The following SEMA6B variants were observed in gnomAD, a reference collection of about 807,000 sequenced individuals.
The protein encoded by SEMA6B is semaphorin 6B.
Under a neutral mutation model 78.6 loss-of-function variants are expected in SEMA6B, and 47 were observed. The observed-to-expected ratio is 0.60, with a 90% confidence interval of 0.47 to 0.76. The LOEUF (loss-of-function observed/expected upper bound fraction) is 0.76, where lower values mean the gene tolerates loss of function less well. Ranked by LOEUF, SEMA6B falls within the 30% of genes least tolerant of loss-of-function variation. The pLI is 0.00. For missense variants in SEMA6B, 1,213 were observed against 1,269.9 expected (o/e 0.96, Z 0.68); for synonymous variants, 632 against 592.2 (o/e 1.07, Z -0.98).
In SEMA6B at chr19:4,544,104, T is replaced by TGG; in HGVS notation, c.2162_2163dup (p.Thr722ProfsTer109). ...AGGGCGTGGGGGTGCGGGTGCGGAG[T>TGG]GGGCAGGCGCTTCTGCGGCAGCGGC... On this transcript the variant is annotated frameshift_variant, in exon 17 of 17. Transcript: ENST00000586582. LOFTEE classifies it high-confidence loss of function. This position sits in a 1 kb window ranked among gnomAD's most constrained non-coding sequence, Gnocchi z 5.1. The TGG allele has an allele frequency of 7.9e-7, 1 of 1,264,918 alleles. No homozygotes were observed. Among genetic ancestry groups the TGG allele is most frequent in the Non-Finnish European group, 9.9e-7 (1 of 1,006,382 alleles). The allele number at this position is 1,264,918 out of a possible 1,614,324, so 78.4% of individuals were successfully genotyped here. A position where few individuals can be genotyped will look rare whatever the true frequency, so the allele number is the denominator to read the frequency against.
chr19:4,559,438 ACT>A (rs1339234647), intron 1 of SEMA6B, 90 bp downstream of exon 1: 1 of 151,728 alleles, frequency 6.6e-6, no homozygotes, highest in African/African-American at 2.4e-5. Flanking sequence ...GAGTGGAGAC[ACT>A]CTCCCATCCA....
Position 4,548,326 on chromosome 19 carries a change from C to G in SEMA6B, c.1391G>C (p.Ser464Thr). The part of the protein sequence containing the change: ...VLKFLVRPNA[S>T]TSGTSGLSVF... ...ACTGAGCCCAGACGTCCCTGAGGTG[C>G]TGGCATTGGGCCGGACGAGGAACTT... The change falls in exon 13 of 17, where the codon AGC (serine) becomes ACC (threonine). Residue 464 changes from serine (S) to threonine (T), a missense_variant. Ser to Thr is a moderately conservative substitution (Grantham distance 58). Coordinates refer to ENST00000586582, the MANE Select transcript of SEMA6B (RefSeq NM_032108.4). 6.2e-7 allele frequency: 1 copy of G among 1,613,968 alleles called. No individual in the cohort carries two copies. Among genetic ancestry groups the G allele is most frequent in the Non-Finnish European group, 8.5e-7 (1 of 1,180,014 alleles).
At position 4,548,224 on chromosome 19, in the gene SEMA6B, TCCTGCTGGCGACCCCTTCCCAC is replaced by T; in HGVS notation, c.1454+17_1454+38del. On this transcript the variant is annotated intron_variant, in intron 13 of 16. Coordinates refer to ENST00000586582, the MANE Select transcript of SEMA6B (RefSeq NM_032108.4). ...TGAGCGCATCTCAGCCCATCTCCCC[TCCTGCTGGCGACCCCTTCCCAC>T]CTTTGCCCAGACTTACCTGTCCGGC... 1 of 1,591,638 alleles carries T rather than the reference TCCTGCTGGCGACCCCTTCCCAC, an allele frequency of 6.3e-7. No individual in the cohort carries two copies. The highest frequency in any genetic ancestry group is 8.6e-7 in the Non-Finnish European group (1 of 1,162,212).
intron 8 of SEMA6B, 143 bp from the exon 9 acceptor site, chr19:4,554,619 T>A (rs908186194): frequency 5.9e-6 from 4 of 673,572 alleles, no homozygotes; most frequent in African/African-American, 3.6e-5. Flanking sequence ...GTTTGGTATT[T>A]TGCAGGGGAA....
At chr19:4,545,977 T>C (rs60425094) in intron 16 of SEMA6B, 5,233 of 346,676 alleles carry the variant, frequency 0.015, 257 homozygotes, top group African/African-American at 0.1. Flanking sequence ...TTCACCGTGT[T>C]AGCCAGGATG....
chr19:4,546,183 TG>T, intron 16 of SEMA6B, 32 bp downstream of exon 16: 12 of 1,573,124 alleles, frequency 7.6e-6, no homozygotes, highest in Non-Finnish European at 1.0e-5. Flanking sequence ...TAGTGGGGGA[TG>T]GGGGTCTTAG....
intron 9 of SEMA6B, among the ~76,000 whole-genome samples, chr19:4,554,138 G>C (rs1384950822): frequency 6.6e-6 from 1 of 152,090 alleles, no homozygotes; most frequent in Non-Finnish European, 1.5e-5. Context: ...TGGGTGGACA[G>C]GTGAACAGCA....
At position 4,544,652 on chromosome 19, in the gene SEMA6B, T is replaced by C; in HGVS notation, c.1739-123A>G. The C allele has an allele frequency of 1.8e-6, 1 of 540,944 alleles. No individual in the cohort carries two copies. The highest frequency in any genetic ancestry group is 2.8e-6 in the Non-Finnish European group (1 of 354,390). The allele number at this position is 540,944 out of a possible 1,614,324, so 33.5% of individuals were successfully genotyped here. A position where few individuals can be genotyped will look rare whatever the true frequency, so the allele number is the denominator to read the frequency against. ...TTATTTTTTTTTATTTATTTATTTTTTGAGAAGGAGTCTTCCTTTGTGTGC... is the reference window on the plus strand; with the variant it reads ...TTATTTTTTTTTATTTATTTATTTTCTGAGAAGGAGTCTTCCTTTGTGTGC... On this transcript the variant is annotated intron_variant, in intron 16 of 16. Coordinates refer to ENST00000586582, the MANE Select transcript of SEMA6B (RefSeq NM_032108.4). The surrounding 1 kb of genome is among the most constrained non-coding windows in gnomAD (Gnocchi z 5.1).
In SEMA6B at chr19:4,555,965, G is replaced by C. The variant is rs760353619; in HGVS notation, c.471+23C>G. On this transcript the variant is annotated intron_variant, in intron 6 of 16. Transcript: ENST00000586582. This position sits in a 1 kb window ranked among gnomAD's most constrained non-coding sequence, Gnocchi z 6.1. ...CAGAGGCCTGGAGGTTGGACCTGGG[G>C]CGCAGGGAGTCTGAAGACTCACGCT... The C allele has an allele frequency of 6.3e-7, 1 of 1,591,326 alleles. No individual in the cohort carries two copies. Among genetic ancestry groups the C allele is most frequent in the Admixed American group, 1.7e-5 (1 of 59,996 alleles).
intron 16 of SEMA6B, 52 bp downstream of exon 16, chr19:4,546,163 TC>T: frequency 6.6e-7 from 1 of 1,508,234 alleles, no homozygotes; most frequent in Non-Finnish European, 8.9e-7. Context: ...CTCCCTCCCC[TC>T]CCCCATGGTA....
rs1250253094 is a variant in SEMA6B, at chr19:4,556,986, C to T, written c.334G>A (p.Asp112Asn). The T allele has an allele frequency of 3.1e-6, 5 of 1,613,190 alleles. No homozygotes were observed. The highest frequency in any genetic ancestry group is 4.2e-6 in the Non-Finnish European group (5 of 1,179,572). ...RKLTWRSNPSDINVCRMKGKQ... is the reference protein window; with the variant it reads ...RKLTWRSNPSNINVCRMKGKQ... ...CCCTTCATCCGACACACGTTTATGT[C>T]GCTGGGGTTAGATCTCCAGGTCAGC... Residue 112 changes from aspartate to asparagine, a missense_variant, in exon 5 of 17, where the codon GAC becomes AAC. By Grantham distance (23) the Asp-to-Asn change is conservative. Coordinates refer to ENST00000586582, the MANE Select transcript of SEMA6B (RefSeq NM_032108.4).
intron 5 of SEMA6B, 70 bp from the exon 6 acceptor site, chr19:4,556,159 C>A: frequency 8.9e-7 from 1 of 1,118,978 alleles, no homozygotes; most frequent in South Asian, 1.3e-5. Context: ...GTGGCCAGAA[C>A]CTGAGTTGTG....
chr19:4,548,470 C>A (rs1977233350), intron 12 of SEMA6B, 25 bp from the exon 13 acceptor site: 3 of 1,596,362 alleles, frequency 1.9e-6, no homozygotes, highest in South Asian at 2.2e-5. Context: ...AGGGGAGGGT[C>A]AGGCTGGCCC....
Position 4,555,157 on chromosome 19 carries a change from G to A in SEMA6B, c.563-62C>T, listed in dbSNP as rs1977434376. The A allele has an allele frequency of 1.3e-6, 2 of 1,580,392 alleles. No individual in the cohort carries two copies. The highest frequency in any genetic ancestry group is 1.7e-5 in the Admixed American group (1 of 59,174). On this transcript the variant is annotated intron_variant, in intron 7 of 16. Coordinates refer to ENST00000586582, the MANE Select transcript of SEMA6B (RefSeq NM_032108.4). This position sits in a 1 kb window ranked among gnomAD's most constrained non-coding sequence, Gnocchi z 6.1. ...AGACCGCAGAGGCCAGGGGCTGGGT[G>A]GGTCGAAACTCGATTTTCTGAGACT...
At position 4,550,907 on chromosome 19, in the gene SEMA6B, G is replaced by A. The variant is rs143860523; in HGVS notation, c.1013C>T (p.Ala338Val). The A allele has an allele frequency of 5.6e-5, 91 of 1,613,622 alleles. No individual in the cohort carries two copies. The highest frequency in any genetic ancestry group is 7.4e-5 in the Non-Finnish European group (87 of 1,179,990). The change falls in exon 11 of 17, where the codon GCC becomes GTC. Residue 338 changes from alanine (A) to valine (V), a missense_variant. Physicochemically the swap from Ala to Val is moderately conservative, Grantham distance 64 (BLOSUM62 0). Coordinates refer to ENST00000586582, the MANE Select transcript of SEMA6B (RefSeq NM_032108.4). This position sits in a 1 kb window ranked among gnomAD's most constrained non-coding sequence, Gnocchi z 6.6. ...AGCTGCCACCTGTGTCAGGTCAAAG[G>A]CGCAGACAGCCGAGCCAGGGATGCT... ...SNSIPGSAVC[A>V]FDLTQVAAVF...
chr19:4,557,236 C>CATA lies in SEMA6B; in HGVS notation c.246-16_246-14dup. On this transcript the variant is annotated splice_polypyrimidine_tract_variant and intron_variant, in intron 3 of 16. Transcript: ENST00000586582. ...GTAGAGGTTGTCCCTGGGGGAGGGG[C>CATA]ATAGTTAGTGAGAACTGGGGGCTCC... 1 of 1,561,844 alleles carries CATA rather than the reference C, an allele frequency of 6.4e-7. No individual in the cohort carries two copies. The highest frequency in any genetic ancestry group is 8.7e-7 in the Non-Finnish European group (1 of 1,152,624).
chr19:4,558,218 C>T lies in SEMA6B; in HGVS notation c.122-69G>A. On this transcript the variant is annotated intron_variant, in intron 2 of 16. Coordinates refer to ENST00000586582, the MANE Select transcript of SEMA6B (RefSeq NM_032108.4). This position sits in a 1 kb window ranked among gnomAD's most constrained non-coding sequence, Gnocchi z 5.1. ...GAAGAGAGGGTGGCCTGAGGTCATG[C>T]CCCTTCTAGGGGTGGCTCCTGGACT... 7.4e-7 allele frequency: 1 copy of T among 1,349,770 alleles called. No homozygotes were observed. The highest frequency in any genetic ancestry group is 9.6e-7 in the Non-Finnish European group (1 of 1,037,948). 83.6% of individuals were successfully genotyped at this position (1,349,770 alleles called of 1,614,324 possible). A position where few individuals can be genotyped will look rare whatever the true frequency, so the allele number is the denominator to read the frequency against.
At chr19:4,553,451 G>C (rs1372222182) in intron 9 of SEMA6B, among the ~76,000 whole-genome samples, 1 of 143,820 alleles carries the variant, frequency 7.0e-6, no homozygotes, top group Non-Finnish European at 1.5e-5. Context: ...TGGGTGAGTG[G>C]ATGGATGGAT....
Position 4,558,100 on chromosome 19 carries a change from G to C in SEMA6B, c.171C>G (p.Thr57=). 6.5e-7 allele frequency: 1 copy of C among 1,537,576 alleles called. No individual in the cohort carries two copies. Among genetic ancestry groups the C allele is most frequent in the Non-Finnish European group, 8.8e-7 (1 of 1,135,502 alleles). ...TGAGGTCGTCAGCACCTTCTGCGGG[G>C]GTCAGGCGTCCGGGCCCGCTGCCCA... The part of the protein sequence containing the change: ...VFVGSGPGRL[T]PAEGADDLNI... Residue 57 remains threonine (T), a synonymous_variant, in exon 3 of 17, where the codon ACC becomes ACG. Transcript: ENST00000586582. This position sits in a 1 kb window ranked among gnomAD's most constrained non-coding sequence, Gnocchi z 5.1.
Sources: allele counts gnomAD v4.1 joint callset (sites outside exome capture counted in the v4.1 genomes callset), GRCh38; gene constraint gnomAD v4.1.1; non-coding constraint Gnocchi (gnomAD v3.1); transcripts MANE v1.5; gene names NCBI Gene and HGNC (gene_info 2026-07-23, HGNC 2026-07-21).